Variants in PAPSS2 observed in about 807,000 individuals in gnomAD.
The protein encoded by PAPSS2 is 3'-phosphoadenosine 5'-phosphosulfate synthase 2.
In PAPSS2, 61 loss-of-function variants were observed where a neutral mutation model predicts 66.5. The ratio of observed to expected loss-of-function variants is 0.92; its 90% CI spans 0.75 to 1.14. The LOEUF (loss-of-function observed/expected upper bound fraction) is 1.14. Among genes scored for constraint, PAPSS2 ranks in the 50% most tolerant of loss-of-function variants. The pLI is 0.00. For synonymous variants in PAPSS2, 289 were observed against 287.5 expected (o/e 1.01, Z -0.05); for missense variants, 708 against 789.6 (o/e 0.90, Z 1.24).
intron 2 of PAPSS2, among the ~76,000 whole-genome samples, chr10:87,710,662 T>A (rs1308538190): frequency 6.6e-6 from 1 of 152,222 alleles, no homozygotes; most frequent in Non-Finnish European, 1.5e-5. Context: ...ACTCTTAAAA[T>A]GAATTATTTC....
chr10:87,693,272 GTTTACC>G (rs1393739665), intron 1 of PAPSS2, among the ~76,000 whole-genome samples: 2 of 152,194 alleles, frequency 1.3e-5, no homozygotes, highest in African/African-American at 2.4e-5. Context: ...CTGTGATTCT[GTTTACC>G]TGAGAGCATG....
chr10:87,743,230 G>A (rs887758783), intron 10 of PAPSS2, 143 bp from the exon 11 acceptor site: 69 of 879,456 alleles, frequency 7.8e-5, no homozygotes, highest in South Asian at 4.1e-4. Flanking sequence ...GGGCAACAGA[G>A]TGAGACTCTT....
chr10:87,662,530 A>G (rs1980647), intron 1 of PAPSS2, among the ~76,000 whole-genome samples: 57,176 of 148,464 alleles, frequency 0.39, 11,723 homozygotes, highest in East Asian at 0.58. Context: ...TCCACCCCTC[A>G]CTTACCTCCA....
At position 87,727,430 on chromosome 10, in the gene PAPSS2, A is replaced by AAAGAGGAACGCTGTTC; in HGVS notation, c.1028_1043dup (p.Val350GlyfsTer42). 6.2e-7 allele frequency: 1 copy of AAAGAGGAACGCTGTTC among 1,614,146 alleles called. No individual in the cohort carries two copies. Among genetic ancestry groups the AAAGAGGAACGCTGTTC allele is most frequent in the Admixed American group, 1.7e-5 (1 of 60,010 alleles). ...AGACGCTGAATTCTATGAACACAGA[A>AAAGAGGAACGCTGTTC]AAGAGGAACGCTGTTCCCGTGTTTG... On this transcript the variant is annotated frameshift_variant, in exon 9 of 13. Transcript: ENST00000456849. LOFTEE classifies it high-confidence loss of function.
chr10:87,717,936 T>A (rs1853551218), intron 7 of PAPSS2, among the ~76,000 whole-genome samples: 1 of 152,256 alleles, frequency 6.6e-6, no homozygotes, highest in African/African-American at 2.4e-5. Context: ...TCCATCTGGA[T>A]GATTTAGGCA....
At chr10:87,728,640 T>C (rs1162705276) in intron 9 of PAPSS2, among the ~76,000 whole-genome samples, 2 of 151,914 alleles carry the variant, frequency 1.3e-5, no homozygotes, top group Non-Finnish European at 2.9e-5. Context: ...CTCAGGAGGC[T>C]AAAGCACGAG....
Position 87,713,306 on chromosome 10 carries a change from C to T in PAPSS2, c.377C>T (p.Ala126Val). The T allele has an allele frequency of 1.4e-6, 1 of 735,288 alleles. No individual in the cohort carries two copies. The highest frequency in any genetic ancestry group is 1.9e-6 in the Non-Finnish European group (1 of 524,366). 45.5% of individuals were successfully genotyped at this position (735,288 alleles called of 1,614,324 possible). A position where few individuals can be genotyped will look rare whatever the true frequency, so the allele number is the denominator to read the frequency against. Residue 126 changes from alanine (A) to valine (V), a missense_variant, in exon 3 of 13, where the codon GCA becomes GTA. Ala to Val is a moderately conservative substitution (Grantham distance 64). Transcript: ENST00000456849. ...ATTACCAGCTTTATTTCTCCATTCGCAAAGGTAAAAAAAAAAAAAAAAAAA... is the reference window on the plus strand; with the variant it reads ...ATTACCAGCTTTATTTCTCCATTCGTAAAGGTAAAAAAAAAAAAAAAAAAA... ...VCITSFISPFAKDRENARKIH... is the reference protein window; with the variant it reads ...VCITSFISPFVKDRENARKIH...
intron 7 of PAPSS2, among the ~76,000 whole-genome samples, chr10:87,720,896 T>C (rs1203483398): frequency 1.3e-5 from 2 of 152,198 alleles, no homozygotes; most frequent in Admixed American, 1.3e-4. Context: ...TCCAGGGTTG[T>C]CACAGACCCT....
intron 2 of PAPSS2, among the ~76,000 whole-genome samples, chr10:87,709,689 T>A (rs1025300816): frequency 6.6e-6 from 1 of 152,240 alleles, no homozygotes; most frequent in Admixed American, 6.5e-5. Flanking sequence ...TAATTTGACA[T>A]CAAGCATTTG....
Position 87,745,117 on chromosome 10 carries a change from AT to A in PAPSS2, c.1608del (p.His536GlnfsTer6), listed in dbSNP as rs770887361. 1 of 1,614,122 alleles carries A rather than the reference AT, an allele frequency of 6.2e-7. No individual in the cohort carries two copies. Among genetic ancestry groups the A allele is most frequent in the Non-Finnish European group, 8.5e-7 (1 of 1,179,986 alleles). On this transcript the variant is annotated frameshift_variant, in exon 12 of 13. Transcript: ENST00000456849. LOFTEE classifies it high-confidence loss of function. ...ETKKDLYEPT[H>X]GGKVLSMAPG... ...AAGAAGGATCTGTATGAACCCACTC[AT>A]GGGGGCAAGGTCTTGAGCATGGCCC...
At chr10:87,727,169 T>A in intron 8 of PAPSS2, 115 bp from the exon 9 acceptor site, 1 of 867,924 alleles carries the variant, frequency 1.2e-6, no homozygotes, top group Non-Finnish European at 1.9e-6. Flanking sequence ...TGGATTTGGG[T>A]CTTAATGCTT....
At chr10:87,681,278 A>G (rs1028876172) in intron 1 of PAPSS2, among the ~76,000 whole-genome samples, 1 of 152,216 alleles carries the variant, frequency 6.6e-6, no homozygotes, top group Non-Finnish European at 1.5e-5. Flanking sequence ...TCATGAGCAT[A>G]ATGCAGCTCA....
chr10:87,698,691 ATACT>A (rs1424146673), intron 1 of PAPSS2, among the ~76,000 whole-genome samples: 1 of 152,176 alleles, frequency 6.6e-6, no homozygotes, highest in African/African-American at 2.4e-5. Context: ...TTTACACAAA[ATACT>A]TACGAACGAT....
In PAPSS2 at chr10:87,715,087, T is replaced by G. The variant is rs753353561; in HGVS notation, c.742T>G (p.Ser248Ala). 8 of 1,595,774 alleles carry G rather than the reference T, an allele frequency of 5.0e-6. No individual in the cohort carries two copies. In the Admixed American group the frequency reaches 6.7e-5, roughly 13 times the overall value. Residue 248 changes from serine to alanine, a missense_variant, in exon 6 of 13, where the codon TCA becomes GCA. Ser to Ala is a moderately conservative substitution (Grantham distance 99). Coordinates refer to ENST00000456849, the MANE Select transcript of PAPSS2 (RefSeq NM_001015880.2). Reference protein sequence around the residue: ...RAEAETLPSLSITKLDLQWVQ... With the variant: ...RAEAETLPSLAITKLDLQWVQ... ...TGAGGCTGAAACTCTCCCTTCATTA[T>G]CAATTACTAAGGTAAGTGGGTGCAG...
chr10:87,694,875 C>A (rs1239626520), intron 1 of PAPSS2, among the ~76,000 whole-genome samples: 1 of 152,226 alleles, frequency 6.6e-6, no homozygotes, highest in African/African-American at 2.4e-5. Context: ...GGCTGCTTTA[C>A]AACCTTGAGG....
chr10:87,716,074 A>G (rs1853529058), intron 7 of PAPSS2, among the ~76,000 whole-genome samples: 2 of 152,218 alleles, frequency 1.3e-5, no homozygotes, highest in Non-Finnish European at 2.9e-5. Flanking sequence ...AAAATGGTGT[A>G]AAGCCAAGAG....
intron 1 of PAPSS2, among the ~76,000 whole-genome samples, chr10:87,688,150 TA>T (rs1296415834): frequency 6.6e-6 from 1 of 152,026 alleles, no homozygotes; most frequent in East Asian, 1.9e-4. Context: ...TATAATTCAT[TA>T]AAATACATAT....
chr10:87,741,688 C>T (rs1853872255), intron 10 of PAPSS2, among the ~76,000 whole-genome samples: 1 of 151,692 alleles, frequency 6.6e-6, no homozygotes, highest in Admixed American at 6.6e-5. Flanking sequence ...AGCCACTGCA[C>T]CCGGCCCCTA....
intron 9 of PAPSS2, 115 bp downstream of exon 9, chr10:87,727,604 T>A: frequency 1.1e-6 from 1 of 892,536 alleles, no homozygotes; most frequent in Non-Finnish European, 1.8e-6. Flanking sequence ...GGTGGAAGAA[T>A]GTATTTCTAA....
Sources: allele counts gnomAD v4.1 joint callset (sites outside exome capture counted in the v4.1 genomes callset), GRCh38; gene constraint gnomAD v4.1.1; transcripts MANE v1.5; gene names NCBI Gene and HGNC (gene_info 2026-07-23, HGNC 2026-07-21).